The following TMEM232 variants were observed in gnomAD, a reference collection of about 807,000 sequenced individuals.
The protein encoded by TMEM232 is transmembrane protein 232.
Under a neutral mutation model 78.8 loss-of-function variants are expected in TMEM232, and 80 were observed. The ratio of observed to expected loss-of-function variants is 1.01; its 90% CI spans 0.85 to 1.22. TMEM232 has a LOEUF of 1.22. TMEM232 is among the 50% of genes most tolerant of loss of function. The pLI is 0.00. For synonymous variants in TMEM232, 297 were observed against 254.3 expected, an observed-to-expected ratio of 1.17 and a Z score of -1.60; for missense variants, 881 against 742.2, an observed-to-expected ratio of 1.19 and a Z score of -2.17.
intron 12 of TMEM232, among the ~76,000 whole-genome samples, chr5:110,511,219 T>C (rs944373591): frequency 6.6e-6 from 1 of 152,138 alleles, no homozygotes; most frequent in Non-Finnish European, 1.5e-5. Flanking sequence ...CTGCATGTTC[T>C]CACTCGTAAG....
intron 12 of TMEM232, among the ~76,000 whole-genome samples, chr5:110,426,398 T>C (rs1757236937): frequency 6.6e-6 from 1 of 152,026 alleles, no homozygotes; most frequent in African/African-American, 2.4e-5. Context: ...TTAATGAATG[T>C]TTGTATGTTT....
chr5:110,707,684 C>G (rs1436121534), intron 1 of TMEM232, among the ~76,000 whole-genome samples: 1 of 152,206 alleles, frequency 6.6e-6, no homozygotes, highest in Non-Finnish European at 1.5e-5. Flanking sequence ...ACCAGGGCAG[C>G]TAAAAGGAAT....
At chr5:110,733,163 T>G (rs1305877357) in intron 2 of TMEM232, among the ~76,000 whole-genome samples, 1 of 151,840 alleles carries the variant, frequency 6.6e-6, no homozygotes, top group Non-Finnish European at 1.5e-5. Context: ...TATTAAAAAG[T>G]AAAAAATAAT....
chr5:110,728,663 T>C (rs577975242), upstream of TMEM232, among the ~76,000 whole-genome samples: 19 of 151,194 alleles, frequency 1.3e-4, no homozygotes, highest in Admixed American at 9.9e-4. Flanking sequence ...GTCATCTACA[T>C]TGAAGTTTTG....
chr5:110,518,929 T>C (rs1331532259), intron 12 of TMEM232, among the ~76,000 whole-genome samples: 1 of 151,118 alleles, frequency 6.6e-6, no homozygotes, highest in African/African-American at 2.4e-5. Flanking sequence ...ATCTAGAAGC[T>C]GGTGCATTGA....
chr5:110,396,813 G>T (rs1755407113), intron 3 of TMEM232, among the ~76,000 whole-genome samples: 1 of 152,096 alleles, frequency 6.6e-6, no homozygotes, highest in Admixed American at 6.6e-5. Context: ...TTAACAGAAT[G>T]AATTATTTTT....
chr5:110,423,088 G>C (rs1233233930), intron 13 of TMEM232, among the ~76,000 whole-genome samples: 1 of 152,064 alleles, frequency 6.6e-6, no homozygotes, highest in East Asian at 1.9e-4. Context: ...AAGTCTGTTG[G>C]CTTAGAAGGA....
At chr5:110,639,165 C>T (rs556799108) in intron 4 of TMEM232, among the ~76,000 whole-genome samples, 11 of 152,234 alleles carry the variant, frequency 7.2e-5, no homozygotes, top group Non-Finnish European at 1.5e-4. Context: ...CCAGCACATG[C>T]AGAGCCTTGT....
chr5:110,637,145 A>G (rs1785959302), intron 5 of TMEM232, among the ~76,000 whole-genome samples: 1 of 150,290 alleles, frequency 6.7e-6, no homozygotes, highest in African/African-American at 2.4e-5. Flanking sequence ...TTACTTATAT[A>G]TATTGTTTTC....
At chr5:110,529,873 CTTT>C (rs1159256192) in intron 11 of TMEM232, among the ~76,000 whole-genome samples, 1 of 152,098 alleles carries the variant, frequency 6.6e-6, no homozygotes, top group Admixed American at 6.5e-5. Context: ...TATGTTACAA[CTTT>C]TTTATGTTCA....
chr5:110,689,710 G>A (rs1317683560), intron 1 of TMEM232, among the ~76,000 whole-genome samples: 2 of 152,116 alleles, frequency 1.3e-5, no homozygotes, highest in Admixed American at 6.6e-5. Flanking sequence ...AAACCTGGAG[G>A]CATCACACTA....
downstream of TMEM232, among the ~76,000 whole-genome samples, chr5:110,416,070 TAAGTC>T (rs1477053179): frequency 3.3e-5 from 5 of 152,202 alleles, no homozygotes; most frequent in East Asian, 5.8e-4. Flanking sequence ...AAAAGTAACT[TAAGTC>T]ATCAACAGAA....
chr5:110,709,333 GAA>G (rs540707880), intron 1 of TMEM232, among the ~76,000 whole-genome samples: 1 of 152,172 alleles, frequency 6.6e-6, no homozygotes, highest in South Asian at 2.1e-4. Flanking sequence ...CTTCCAAACA[GAA>G]AATCGACAAA....
chr5:110,619,651 T>C (rs528592282), intron 7 of TMEM232, among the ~76,000 whole-genome samples: 14 of 152,332 alleles, frequency 9.2e-5, no homozygotes, highest in African/African-American at 3.4e-4. Context: ...CTGACTTCAG[T>C]AAGTCCACAT....
intron 8 of TMEM232, 53 bp downstream of exon 8, chr5:110,618,376 T>C: frequency 6.5e-7 from 1 of 1,539,588 alleles, no homozygotes. Flanking sequence ...ATTTAACATT[T>C]AAGCACAAAG....
rs1196836626 is a variant in TMEM232 at position 110,524,388 on chromosome 5, AAAGAAAGAAAGAAAGAAAGAAAG to A, written c.1703+4177_1703+4199del. On this transcript the variant is annotated intron_variant, in intron 12 of 13. Transcript: ENST00000455884. ...AAAAGAAAGAAAGAAAGAAAGAAAG[AAAGAAAGAAAGAAAGAAAGAAAG>A]AAAGAAAAGAAAAGAAAAGAAAAGA... Among the ~76,000 whole-genome samples the A allele has an allele frequency of 8.2e-3, 575 of 69,834 alleles. 5 individuals carry two copies. Among genetic ancestry groups the A allele is most frequent in the African/African-American group, 0.05 (511 of 10,282 alleles). The allele number at this position is 69,834 out of a possible 152,430, so 45.8% of individuals were successfully genotyped here.
chr5:110,507,553 G>A (rs1302913793), intron 12 of TMEM232, among the ~76,000 whole-genome samples: 1 of 152,144 alleles, frequency 6.6e-6, no homozygotes, highest in African/African-American at 2.4e-5. Context: ...TGGTGACTCA[G>A]GTTCTCAGGT....
intron 11 of TMEM232, among the ~76,000 whole-genome samples, chr5:110,541,987 C>T (rs745374005): frequency 6.6e-6 from 1 of 152,116 alleles, no homozygotes; most frequent in Non-Finnish European, 1.5e-5. Flanking sequence ...ATGGAAGGCA[C>T]CATTTTCAGT....
At chr5:110,693,119 A>C (rs1794337667) in intron 1 of TMEM232, among the ~76,000 whole-genome samples, 1 of 152,152 alleles carries the variant, frequency 6.6e-6, no homozygotes, top group African/African-American at 2.4e-5. Context: ...CCAGAGGAAC[A>C]ATCAGGCAGC....
Sources: gnomAD v4.1 joint callset for allele counts (sites outside exome capture counted in the v4.1 genomes callset) on GRCh38, gnomAD v4.1.1 for gene constraint, MANE v1.5 for transcripts, NCBI Gene and HGNC (gene_info 2026-07-23, HGNC 2026-07-21) for gene names.